The following FGD4 variants were observed in gnomAD, a reference collection of about 807,000 sequenced individuals.
FGD4 encodes the protein FYVE, RhoGEF and PH domain containing 4, also known as FYVE, RhoGEF and PH domain-containing protein 4.
In FGD4, 42 loss-of-function variants were observed where a neutral mutation model predicts 102.0. The observed-to-expected ratio is 0.41, with a 90% confidence interval of 0.32 to 0.53. FGD4 has a LOEUF of 0.53. Among genes scored for constraint, FGD4 ranks in the 20% least tolerant of loss-of-function variants. The pLI is 0.21. For missense variants in FGD4, 902 were observed against 1,078.2 expected (o/e 0.84, Z 2.29); for synonymous variants, 380 against 375.7 (o/e 1.01, Z -0.13).
Position 32,636,506 on chromosome 12 carries a change from C to G in FGD4, c.2314-2149C>G, listed in dbSNP as rs139554584. On this transcript the variant is annotated intron_variant, in intron 15 of 16. Transcript: ENST00000534526. ...CAAGATTGAACCATTGCACTCCAGC[C>G]TGGGCAACAAGAGCTAAACTCCGTC... 7.3e-3 allele frequency among the ~76,000 whole-genome samples: 1,103 copies of G among 150,864 alleles called. 17 individuals are homozygous for G. The highest frequency in any genetic ancestry group is 0.025 in the African/African-American group (1,045 of 41,012).
intron 10 of FGD4, among the ~76,000 whole-genome samples, chr12:32,611,805 G>A (rs1329049525): frequency 6.6e-6 from 1 of 152,242 alleles, no homozygotes; most frequent in Non-Finnish European, 1.5e-5. Context: ...ATCTGGAGCA[G>A]TTGCTGCAGT....
chr12:32,417,672 G>A (rs1656946939), intron 1 of FGD4, among the ~76,000 whole-genome samples: 1 of 151,820 alleles, frequency 6.6e-6, no homozygotes, highest in Admixed American at 6.6e-5. Context: ...TGACCAGGCT[G>A]GTCTCCAACG....
intron 1 of FGD4, among the ~76,000 whole-genome samples, chr12:32,442,838 A>G (rs921648305): frequency 1.1e-4 from 17 of 152,264 alleles, no homozygotes; most frequent in African/African-American, 4.1e-4. Flanking sequence ...GATTACAGGC[A>G]TGAGCCACTG....
intron 1 of FGD4, among the ~76,000 whole-genome samples, chr12:32,453,210 AT>A (rs1224335856): frequency 1.9e-5 from 1 of 53,984 alleles, no homozygotes; most frequent in African/African-American, 4.5e-5. Context: ...TTATATATAT[AT>A]ATATATATAA....
chr12:32,430,388 A>T (rs1213578327), intron 1 of FGD4, among the ~76,000 whole-genome samples: 2 of 152,164 alleles, frequency 1.3e-5, no homozygotes, highest in Non-Finnish European at 2.9e-5. Context: ...GGGCAACCGT[A>T]CTTTTGGTAA....
intron 1 of FGD4, among the ~76,000 whole-genome samples, chr12:32,464,117 T>C (rs1208979819): frequency 6.6e-6 from 1 of 152,160 alleles, no homozygotes; most frequent in African/African-American, 2.4e-5. Context: ...CAGTGAAACG[T>C]TATGTATGTA....
At position 32,640,515 on chromosome 12, in the gene FGD4, G is replaced by GA; in HGVS notation, c.2700dup (p.Ser901IlefsTer36). On this transcript the variant is annotated frameshift_variant, in exon 17 of 17. Coordinates refer to ENST00000534526, the MANE Select transcript of FGD4 (RefSeq NM_001370298.3). LOFTEE classifies it high-confidence loss of function. ...CCTTGGATGATCATCCTGAACCTAA[G>GA]AAAAAATCAGAATGCTGAACTCCTC... The GA allele has an allele frequency of 1.2e-6, 2 of 1,613,954 alleles. No individual in the cohort carries two copies. Among genetic ancestry groups the GA allele is most frequent in the Non-Finnish European group, 1.7e-6 (2 of 1,180,016 alleles).
intron 1 of FGD4, among the ~76,000 whole-genome samples, chr12:32,418,398 A>C (rs1195288624): frequency 6.6e-6 from 1 of 152,048 alleles, no homozygotes; most frequent in Admixed American, 6.6e-5. Context: ...CTTCTTGGAA[A>C]GGCTTTTCAG....
intron 1 of FGD4, among the ~76,000 whole-genome samples, chr12:32,563,115 G>T (rs1249641548): frequency 6.6e-6 from 1 of 150,766 alleles, no homozygotes; most frequent in African/African-American, 2.4e-5. Flanking sequence ...CCTCCCTCCC[G>T]GACGGGACGG....
At chr12:32,419,178 C>T (rs960900953) in intron 1 of FGD4, among the ~76,000 whole-genome samples, 2 of 152,144 alleles carry the variant, frequency 1.3e-5, no homozygotes, top group African/African-American at 4.8e-5. Context: ...CTGCTTGTTG[C>T]TCTACCCTCT....
At chr12:32,523,529 A>G (rs1263472869) in intron 1 of FGD4, among the ~76,000 whole-genome samples, 1 of 152,226 alleles carries the variant, frequency 6.6e-6, no homozygotes, top group Admixed American at 6.5e-5. Flanking sequence ...TATGGATGAA[A>G]GAGATGGGGT....
intron 2 of FGD4, among the ~76,000 whole-genome samples, chr12:32,573,177 G>C (rs1592265541): frequency 1.3e-5 from 2 of 152,074 alleles, no homozygotes; most frequent in African/African-American, 4.8e-5. Context: ...CTCACTGGAA[G>C]CTCCGCCTCC....
intron 1 of FGD4, among the ~76,000 whole-genome samples, chr12:32,518,290 C>T (rs2136713826): frequency 6.6e-6 from 1 of 152,278 alleles, no homozygotes; most frequent in East Asian, 1.9e-4. Context: ...ACCAGCCTGA[C>T]CAACACGGAG....
chr12:32,466,960 A>G (rs1200344717), intron 1 of FGD4, among the ~76,000 whole-genome samples: 2 of 150,700 alleles, frequency 1.3e-5, no homozygotes, highest in Admixed American at 6.7e-5. Flanking sequence ...AGCCTTCACC[A>G]CCCTACTCCC....
chr12:32,589,991 T>C (rs1947337551), intron 4 of FGD4, among the ~76,000 whole-genome samples: 2 of 152,112 alleles, frequency 1.3e-5, no homozygotes, highest in Non-Finnish European at 2.9e-5. Flanking sequence ...TGACAGCCTG[T>C]TGATGCTTAT....
chr12:32,462,010 C>T (rs1438393434), intron 1 of FGD4, among the ~76,000 whole-genome samples: 1 of 152,172 alleles, frequency 6.6e-6, no homozygotes, highest in African/African-American at 2.4e-5. Flanking sequence ...CAGGCATGAG[C>T]CACCGCGCCT....
chr12:32,445,792 T>TCTA (rs1942593387), intron 1 of FGD4, among the ~76,000 whole-genome samples: 1 of 152,182 alleles, frequency 6.6e-6, no homozygotes. Context: ...GTAAGGACCT[T>TCTA]CTACCTATGG....
chr12:32,638,627 A>C (rs564292021), intron 15 of FGD4, 28 bp from the exon 16 acceptor site: 1 of 1,613,858 alleles, frequency 6.2e-7, no homozygotes, highest in Non-Finnish European at 8.5e-7. Context: ...TTGTGTGTTC[A>C]TTCTGTCTTT....
intron 1 of FGD4, chr12:32,486,133 T>C (rs1248116740): frequency 1.3e-6 from 2 of 1,529,750 alleles, no homozygotes; most frequent in African/African-American, 2.7e-5. Flanking sequence ...AAGAATCTTT[T>C]ATGGGGGGCT....
Sources: allele counts gnomAD v4.1 joint callset (sites outside exome capture counted in the v4.1 genomes callset), GRCh38; gene constraint gnomAD v4.1.1; transcripts MANE v1.5; gene names NCBI Gene and HGNC (gene_info 2026-07-23, HGNC 2026-07-21).